Variants in PCLO observed in about 807,000 individuals in gnomAD.
PCLO encodes the protein piccolo presynaptic cytomatrix protein.
In PCLO, 82 loss-of-function variants were observed where a neutral mutation model predicts 427.5. The observed-to-expected ratio is 0.19, with a 90% confidence interval of 0.16 to 0.23. The LOEUF is 0.23. Ranked by LOEUF, PCLO falls within the 10% of genes least tolerant of loss-of-function variation. The pLI is 1.00. For missense variants in PCLO, 6,239 were observed against 6,115.9 expected, an observed-to-expected ratio of 1.02 and a Z score of -0.67; for synonymous variants, 2,357 against 2,155.4, an observed-to-expected ratio of 1.09 and a Z score of -2.59.
rs533978344 is a variant in PCLO, at chr7:83,015,118, C to G, written c.3301-48631G>C. Reference sequence around the variant, plus strand: ...AGTCAGTAGACACTGAGATAAGATTCGGACCTAGGTAGCCTCACTCCAAAG... The same window carrying G: ...AGTCAGTAGACACTGAGATAAGATTGGGACCTAGGTAGCCTCACTCCAAAG... On this transcript the variant is annotated intron_variant, in intron 3 of 24. Transcript: ENST00000333891. Among the ~76,000 whole-genome samples, 6 of 152,154 alleles carry G rather than the reference C, an allele frequency of 3.9e-5. No homozygotes were observed. The South Asian group carries it at 1.2e-3, about 32-fold the overall frequency.
intron 19 of PCLO, among the ~76,000 whole-genome samples, chr7:82,823,988 C>T (rs1584013526): frequency 6.6e-6 from 1 of 152,214 alleles, no homozygotes; most frequent in Non-Finnish European, 1.5e-5. Flanking sequence ...CCAAATAGCT[C>T]ATTTTACATG....
At chr7:83,128,982 A>G (rs539616497) in intron 3 of PCLO, among the ~76,000 whole-genome samples, 2 of 152,308 alleles carry the variant, frequency 1.3e-5, no homozygotes, top group Non-Finnish European at 2.9e-5. Context: ...CCTGGATGTT[A>G]TGCATATATT....
In PCLO at chr7:82,845,374, G is replaced by A; in HGVS notation, c.13943C>T (p.Ser4648Phe). The change falls in exon 13 of 25, where the codon TCT (serine) becomes TTT (phenylalanine). Residue 4648 changes from serine to phenylalanine, a missense_variant. By Grantham distance (155) the Ser-to-Phe change is radical. Transcript: ENST00000333891. The stretch of plus-strand genomic sequence containing the variant: ...TGATGTAGGACCTGAATGAACATGA[G>A]ATCCTTTTTCAACAACTGATGACAG... ...LVLSSVVEKGSHVHSGPTSAG... is the reference protein window; with the variant it reads ...LVLSSVVEKGFHVHSGPTSAG... 1.2e-6 allele frequency: 2 copies of A among 1,613,362 alleles called. No individual in the cohort carries two copies. The highest frequency in any genetic ancestry group is 1.7e-6 in the Non-Finnish European group (2 of 1,179,612).
rs61741659 is a variant in PCLO, at chr7:83,155,781, T to C, written c.860A>G (p.Asp287Gly). The C allele has an allele frequency of 0.22, 355,838 of 1,613,692 alleles. 40,985 individuals are homozygous for C. The highest frequency in any genetic ancestry group is 0.24 in the Non-Finnish European group (285,675 of 1,179,676). The change falls in exon 2 of 25, where the codon GAC (aspartate) becomes GGC (glycine). Residue 287 changes from aspartate (D) to glycine (G), a missense_variant. Physicochemically the swap from Asp to Gly is moderately conservative, Grantham distance 94. Coordinates refer to ENST00000333891, the MANE Select transcript of PCLO (RefSeq NM_033026.6). ...DASRPQTKQADIVRGESVKPS... is the reference protein window; with the variant it reads ...DASRPQTKQAGIVRGESVKPS... Reference sequence around the variant, plus strand: ...TTTAACTGATTCTCCCCTTACTATGTCTGCCTGTTTAGTCTGAGGCCTGGA... The same window carrying C: ...TTTAACTGATTCTCCCCTTACTATGCCTGCCTGTTTAGTCTGAGGCCTGGA...
At chr7:83,113,550 C>A (rs1209696253) in intron 3 of PCLO, among the ~76,000 whole-genome samples, 1 of 152,040 alleles carries the variant, frequency 6.6e-6, no homozygotes, top group Non-Finnish European at 1.5e-5. Context: ...TACAGCTAAC[C>A]AGATATGAAG....
intron 6 of PCLO, among the ~76,000 whole-genome samples, chr7:82,921,290 A>T (rs1794589530): frequency 7.1e-6 from 1 of 140,722 alleles, no homozygotes; most frequent in Non-Finnish European, 1.5e-5. Flanking sequence ...GCAAAAACAA[A>T]CAAACAAACA....
intron 3 of PCLO, among the ~76,000 whole-genome samples, chr7:82,997,079 T>C (rs1345826271): frequency 6.6e-6 from 1 of 151,902 alleles, no homozygotes; most frequent in African/African-American, 2.4e-5. Context: ...AGAATAAAAG[T>C]TGGAGTCGTA....
intron 3 of PCLO, among the ~76,000 whole-genome samples, chr7:83,086,871 T>C (rs1312245174): frequency 6.6e-6 from 1 of 152,000 alleles, no homozygotes; most frequent in Non-Finnish European, 1.5e-5. Context: ...ATATATGCCA[T>C]GGAATACTAT....
rs1376068163 is a variant in PCLO at position 82,916,030 on chromosome 7, G to A, written c.11956C>T (p.Leu3986Phe). The change falls in exon 7 of 25, where the codon CTT becomes TTT. Residue 3986 changes from leucine to phenylalanine, a missense_variant. This residue lies in a region of PCLO where 680 missense variants were observed against 677.3 expected (regional missense o/e 1.00). Coordinates refer to ENST00000333891, the MANE Select transcript of PCLO (RefSeq NM_033026.6). Reference sequence around the variant, plus strand: ...TCCGTAGAAACAGGTGCTATCATAAGGGGTTGGTTGCGAATCACTTCATAG... The same window carrying A: ...TCCGTAGAAACAGGTGCTATCATAAAGGGTTGGTTGCGAATCACTTCATAG... ...SNYEVIRNQP[L>F]MIAPVSTDNT... is the part of the protein sequence containing the mutation. The A allele has an allele frequency of 1.2e-6, 2 of 1,612,932 alleles. No homozygotes were observed. The highest frequency in any genetic ancestry group is 4.5e-5 in the East Asian group (2 of 44,852).
chr7:82,840,970 TTATC>T lies in PCLO; in HGVS notation c.14097+485_14097+488del, dbSNP rs538084624. The stretch of plus-strand genomic sequence containing the variant: ...TCTTTTTATTTTTATATATTTTTCT[TTATC>T]TATTTTTATTTTATTTTCCTGATGA... On this transcript the variant is annotated intron_variant, in intron 14 of 24. Transcript: ENST00000333891. Among the ~76,000 whole-genome samples, 258 of 151,716 alleles carry T rather than the reference TTATC, an allele frequency of 1.7e-3. 4 individuals carry two copies. The highest frequency in any genetic ancestry group is 5.9e-3 in the African/African-American group (246 of 41,530).
intron 9 of PCLO, among the ~76,000 whole-genome samples, chr7:82,892,727 A>T (rs1315059950): frequency 1.3e-5 from 2 of 152,112 alleles, no homozygotes; most frequent in African/African-American, 4.8e-5. Context: ...AAACAAATTT[A>T]CAAGAAAAAA....
At chr7:82,815,168 T>G (rs866542442) in intron 20 of PCLO, among the ~76,000 whole-genome samples, 1 of 152,016 alleles carries the variant, frequency 6.6e-6, no homozygotes, top group Non-Finnish European at 1.5e-5. Context: ...TATTTTATCA[T>G]AAAATCTTGT....
In PCLO at chr7:82,824,319, T is replaced by C; in HGVS notation, c.14513A>G (p.His4838Arg). 10 of 1,612,690 alleles carry C rather than the reference T, an allele frequency of 6.2e-6. No individual in the cohort carries two copies. The highest frequency in any genetic ancestry group is 8.5e-6 in the Non-Finnish European group (10 of 1,178,832). Reference protein sequence around the residue: ...QTESIDHGKSHSSQSSQQSPK... With the variant: ...QTESIDHGKSRSSQSSQQSPK... ...GGACTGCTGGCTGCTCTGACTGGAA[T>C]GAGACTTGCCATGATCAATGCTTTC... The change falls in exon 19 of 25, where the codon CAT (histidine) becomes CGT (arginine). Residue 4838 changes from histidine (H) to arginine (R), a missense_variant. His to Arg is a conservative substitution (Grantham distance 29, BLOSUM62 0). Coordinates refer to ENST00000333891, the MANE Select transcript of PCLO (RefSeq NM_033026.6).
intron 3 of PCLO, among the ~76,000 whole-genome samples, chr7:83,031,895 C>T (rs1307824051): frequency 6.6e-6 from 1 of 152,058 alleles, no homozygotes; most frequent in African/African-American, 2.4e-5. Flanking sequence ...TAATAATTCC[C>T]CTTACTTTAC....
At chr7:83,029,843 C>T (rs1489188720) in intron 3 of PCLO, among the ~76,000 whole-genome samples, 1 of 146,486 alleles carries the variant, frequency 6.8e-6, no homozygotes, top group African/African-American at 2.5e-5. Flanking sequence ...TCATCATTCT[C>T]AGTAAACTAT....
intron 3 of PCLO, among the ~76,000 whole-genome samples, chr7:82,971,126 C>T (rs1239780952): frequency 1.3e-5 from 2 of 151,774 alleles, no homozygotes; most frequent in South Asian, 2.1e-4. Flanking sequence ...AATAGCCACA[C>T]CATGACATTT....
At chr7:83,151,705 A>G (rs1792134571) in intron 2 of PCLO, among the ~76,000 whole-genome samples, 1 of 152,068 alleles carries the variant, frequency 6.6e-6, no homozygotes, top group Non-Finnish European at 1.5e-5. Flanking sequence ...ATCCCCCACT[A>G]ATTGTGATGG....
intron 3 of PCLO, among the ~76,000 whole-genome samples, chr7:83,071,008 T>A (rs954293840): frequency 3.4e-5 from 5 of 147,170 alleles, no homozygotes; most frequent in Admixed American, 2.0e-4. Context: ...ATTTTCTTTT[T>A]CTATTTTTTT....
chr7:83,019,470 ATAAT>A (rs1788288826), intron 3 of PCLO, among the ~76,000 whole-genome samples: 1 of 151,746 alleles, frequency 6.6e-6, no homozygotes, highest in African/African-American at 2.4e-5. Flanking sequence ...AGGAAATAAT[ATAAT>A]TAATATAAAT....
Sources: gnomAD v4.1 joint callset for allele counts (sites outside exome capture counted in the v4.1 genomes callset) on GRCh38, gnomAD v4.1.1 for gene constraint, gnomAD v4.1.1 regional missense constraint, MANE v1.5 for transcripts, NCBI Gene and HGNC (gene_info 2026-07-23, HGNC 2026-07-21) for gene names.